SLC14A2: variants seen among roughly 807,000 people sequenced by gnomAD.
The protein encoded by SLC14A2 is urea transporter 2.
In SLC14A2, 91 loss-of-function variants were observed where a neutral mutation model predicts 104.6. That is an observed-to-expected ratio of 0.87 (90% confidence interval 0.73 to 1.04). The LOEUF is 1.04. Among genes scored for constraint, SLC14A2 ranks in the 50% least tolerant of loss-of-function variants. SLC14A2 has a pLI of 0.00. For synonymous variants in SLC14A2, 476 were observed against 466.4 expected, an observed-to-expected ratio of 1.02 and a Z score of -0.27; for missense variants, 1,189 against 1,156.0, an observed-to-expected ratio of 1.03 and a Z score of -0.41.
chr18:45,652,994 G>T (rs1279309005), intron 10 of SLC14A2, among the ~76,000 whole-genome samples: 1 of 151,990 alleles, frequency 6.6e-6, no homozygotes, highest in Non-Finnish European at 1.5e-5. Context: ...GTCTGGAATA[G>T]GTGGATGCTT....
intron 2 of SLC14A2, among the ~76,000 whole-genome samples, chr18:45,603,309 G>C (rs1435818010): frequency 1.3e-5 from 2 of 152,016 alleles, no homozygotes; most frequent in African/African-American, 2.4e-5. Flanking sequence ...CCTGTCTCTT[G>C]TTGGTCCATA....
At chr18:45,201,328 AGG>A in the SLC14A2 span, among the ~76,000 whole-genome samples, 12 of 152,242 alleles carry the variant, frequency 7.9e-5, no homozygotes, top group African/African-American at 2.4e-4. Flanking sequence ...TATCTTCTTG[AGG>A]GCTGAGTATC....
chr18:45,529,089 G>A (rs908483590), intron 2 of SLC14A2: 1 of 152,330 alleles, frequency 6.6e-6, no homozygotes, highest in East Asian at 1.9e-4. Context: ...AGTGACCTGA[G>A]GGAACAAAAG....
intron 1 of SLC14A2, among the ~76,000 whole-genome samples, chr18:45,282,997 C>A (rs1311250607): frequency 6.6e-6 from 1 of 152,186 alleles, no homozygotes; most frequent in East Asian, 1.9e-4. Context: ...GATGGACCTC[C>A]GGCCCGGTTA....
At chr18:45,371,892 A>G (rs943919965) in intron 1 of SLC14A2, among the ~76,000 whole-genome samples, 1 of 152,230 alleles carries the variant, frequency 6.6e-6, no homozygotes, top group African/African-American at 2.4e-5. Flanking sequence ...TTTTAAAAGG[A>G]TATAGAAAAG....
chr18:45,499,949 A>G (rs112490683), intron 2 of SLC14A2, among the ~76,000 whole-genome samples: 1 of 152,204 alleles, frequency 6.6e-6, no homozygotes, highest in African/African-American at 2.4e-5. Context: ...CTGTGAGCCA[A>G]ACAGAGTGAG....
intron 1 of SLC14A2, among the ~76,000 whole-genome samples, chr18:45,429,557 T>C (rs951124770): frequency 3.3e-5 from 5 of 152,200 alleles, no homozygotes; most frequent in Non-Finnish European, 7.3e-5. Flanking sequence ...AACTGTGATA[T>C]GGACAGCAAG....
chr18:45,534,386 C>T (rs117338665), intron 2 of SLC14A2, among the ~76,000 whole-genome samples: 5 of 152,172 alleles, frequency 3.3e-5, no homozygotes, highest in South Asian at 2.1e-4. Context: ...GAGGTACAGA[C>T]GCGACATGCC....
At chr18:45,575,736 G>A (rs750544212) in intron 2 of SLC14A2, among the ~76,000 whole-genome samples, 2 of 151,946 alleles carry the variant, frequency 1.3e-5, no homozygotes, top group Non-Finnish European at 2.9e-5. Context: ...AATCAAAATA[G>A]TTGAAGGCTC....
intron 12 of SLC14A2, among the ~76,000 whole-genome samples, chr18:45,666,631 G>A (rs1426649309): frequency 1.3e-5 from 2 of 150,054 alleles, no homozygotes; most frequent in South Asian, 4.2e-4. Context: ...AAAATCTGTG[G>A]TTAATCTCAG....
intron 2 of SLC14A2, among the ~76,000 whole-genome samples, chr18:45,501,817 C>T (rs952267170): frequency 9.2e-5 from 14 of 152,160 alleles, no homozygotes; most frequent in African/African-American, 3.1e-4. Flanking sequence ...AAGTGACTTC[C>T]GCTCTGGGGA....
chr18:45,353,546 C>A (rs1260206808), intron 1 of SLC14A2, among the ~76,000 whole-genome samples: 1 of 152,218 alleles, frequency 6.6e-6, no homozygotes, highest in Non-Finnish European at 1.5e-5. Context: ...CCAGTTATAA[C>A]TTACAGATTA....
intron 1 of SLC14A2, among the ~76,000 whole-genome samples, chr18:45,457,210 G>A (rs2086959140): frequency 6.6e-6 from 1 of 152,050 alleles, no homozygotes; most frequent in Admixed American, 6.6e-5. Flanking sequence ...TACCAAATAA[G>A]ACTAAATCTT....
chr18:45,204,763 T>G, the SLC14A2 span, among the ~76,000 whole-genome samples: 88 of 151,648 alleles, frequency 5.8e-4, 1 homozygote, highest in Middle Eastern at 0.014. Flanking sequence ...AACCAATGCA[T>G]TTTCACGAAT....
chr18:45,395,799 C>T (rs2086023341), intron 1 of SLC14A2, among the ~76,000 whole-genome samples: 1 of 152,112 alleles, frequency 6.6e-6, no homozygotes, highest in Non-Finnish European at 1.5e-5. Flanking sequence ...TGGGGTTTGG[C>T]CACCTCAACA....
At chr18:45,674,887 G>T (rs999741534) in intron 18 of SLC14A2, among the ~76,000 whole-genome samples, 1 of 152,314 alleles carries the variant, frequency 6.6e-6, no homozygotes, top group Non-Finnish European at 1.5e-5. Flanking sequence ...CCCTGAGAGT[G>T]AAGGCCACTT....
intron 2 of SLC14A2, among the ~76,000 whole-genome samples, chr18:45,540,395 G>A (rs751495197): frequency 2.6e-5 from 4 of 152,130 alleles, no homozygotes; most frequent in Non-Finnish European, 4.4e-5. Context: ...CCCTGTTGTG[G>A]GCAGTCACAC....
chr18:45,279,031 G>A (rs960177858), intron 1 of SLC14A2, among the ~76,000 whole-genome samples: 4 of 152,210 alleles, frequency 2.6e-5, no homozygotes, highest in African/African-American at 9.6e-5. Flanking sequence ...AAGGCCACAT[G>A]CAGTAAATTG....
intron 1 of SLC14A2, among the ~76,000 whole-genome samples, chr18:45,408,260 T>A (rs546670771): frequency 6.6e-6 from 1 of 152,306 alleles, no homozygotes; most frequent in Non-Finnish European, 1.5e-5. Context: ...TCTCTCTCTC[T>A]GGGGTAATTC....
Sources: gnomAD v4.1 joint callset for allele counts (sites outside exome capture counted in the v4.1 genomes callset) on GRCh38, gnomAD v4.1.1 for gene constraint, MANE v1.5 for transcripts, NCBI Gene and HGNC (gene_info 2026-07-23, HGNC 2026-07-21) for gene names.